The following ZNF75D variants were observed in gnomAD, a reference collection of about 807,000 sequenced individuals.
ZNF75D encodes the protein zinc finger protein 75.
Under a neutral mutation model 33.3 loss-of-function variants are expected in ZNF75D, and 33 were observed. The ratio of observed to expected loss-of-function variants is 0.99; its 90% CI spans 0.75 to 1.32. The LOEUF is 1.32. Among genes scored for constraint, ZNF75D ranks in the 40% most tolerant of loss-of-function variants. The pLI, the probability that ZNF75D is intolerant of heterozygous loss-of-function variation, is 0.00. For synonymous variants in ZNF75D, 113 were observed against 130.6 expected (o/e 0.87, Z 0.92); for missense variants, 338 against 367.5 (o/e 0.92, Z 0.66).
intron 1 of ZNF75D, among the ~76,000 whole-genome samples, chrX:135,268,500 C>T (rs1244336967): frequency 9.1e-6 from 1 of 110,032 alleles, no homozygotes; most frequent in African/African-American, 3.3e-5. Context: ...GTCCCATTTA[C>T]AATACTCAGA....
At chrX:135,321,838 A>G (rs2084499081) in intron 1 of ZNF75D, among the ~76,000 whole-genome samples, 1 of 112,240 alleles carries the variant, frequency 8.9e-6, no homozygotes, top group African/African-American at 3.2e-5. Flanking sequence ...GAGAGTTTGC[A>G]TAACTTCGGT....
intron 1 of ZNF75D, among the ~76,000 whole-genome samples, chrX:135,307,727 G>A: frequency 8.9e-6 from 1 of 112,198 alleles, no homozygotes; most frequent in Non-Finnish European, 1.9e-5. Flanking sequence ...ACAGTTGTGT[G>A]AGACACAGCA....
intron 1 of ZNF75D, among the ~76,000 whole-genome samples, chrX:135,298,743 T>C (rs1232404321): frequency 9.0e-6 from 1 of 111,716 alleles, no homozygotes; most frequent in Non-Finnish European, 1.9e-5. Context: ...CAAAAAAATA[T>C]TGAACCATGC....
intron 1 of ZNF75D, among the ~76,000 whole-genome samples, chrX:135,331,967 G>T (rs1222989301): frequency 9.0e-6 from 1 of 111,599 alleles, no homozygotes; most frequent in African/African-American, 3.3e-5. Flanking sequence ...AAATGGGGAG[G>T]GGTTAGAGAC....
rs2084805342 is a variant in ZNF75D, at chrX:135,343,085, C to CA, written c.-1709dup. The CA allele has an allele frequency of 1.8e-5, 2 of 111,794 alleles. No individual in the cohort carries two copies. Among genetic ancestry groups the CA allele is most frequent in the Non-Finnish European group, 3.8e-5 (2 of 53,243 alleles). 9.2% of individuals were successfully genotyped at this position (111,794 alleles called of 1,213,427 possible). A position where few individuals can be genotyped will look rare whatever the true frequency, so the allele number is the denominator to read the frequency against. On this transcript the variant is annotated 5_prime_UTR_variant, in exon 1 of 7. Transcript: ENST00000370766. ...GAGAAGACAACAACAACAACAACAA[C>CA]AAAAAATCACTGGCCCGTGTAAGGT...
chrX:135,290,022 C>T (rs781902042), intron 6 of ZNF75D, among the ~76,000 whole-genome samples: 26 of 112,112 alleles, frequency 2.3e-4, no homozygotes, highest in African/African-American at 8.1e-4. Flanking sequence ...GACTGTGTTA[C>T]ACCGCTTATC....
chrX:135,274,693 A>T (rs2083893587), intron 1 of ZNF75D, among the ~76,000 whole-genome samples: 1 of 112,426 alleles, frequency 8.9e-6, no homozygotes, highest in Non-Finnish European at 1.9e-5. Context: ...AACTGTTAAA[A>T]GTGAAAGAAT....
At chrX:135,250,499 A>C (rs2083777580) in intron 3 of ZNF75D, among the ~76,000 whole-genome samples, 1 of 107,283 alleles carries the variant, frequency 9.3e-6, no homozygotes, top group Non-Finnish European at 1.9e-5. Context: ...CAGTGCCAAA[A>C]AGATTCTGAC....
intron 1 of ZNF75D, among the ~76,000 whole-genome samples, chrX:135,296,823 CACATAGATT>C (rs2084137067): frequency 8.9e-6 from 1 of 111,949 alleles, no homozygotes; most frequent in Non-Finnish European, 1.9e-5. Flanking sequence ...TGTTCAGGGT[CACATAGATT>C]ACCAGTGGCA....
downstream of ZNF75D, among the ~76,000 whole-genome samples, chrX:135,283,177 A>G (rs370726740): frequency 1.8e-5 from 2 of 111,624 alleles, no homozygotes; most frequent in South Asian, 3.8e-4. Flanking sequence ...TTATCCCTCT[A>G]CTGCTCTCAA....
At chrX:135,280,373 A>G (rs184241943) in intron 1 of ZNF75D, among the ~76,000 whole-genome samples, 2 of 111,763 alleles carry the variant, frequency 1.8e-5, no homozygotes, top group Admixed American at 1.9e-4. Context: ...TCTTGAGCCT[A>G]TGTGTGTCTT....
intron 1 of ZNF75D, among the ~76,000 whole-genome samples, chrX:135,278,134 T>G (rs2083906452): frequency 1.8e-5 from 2 of 111,826 alleles, no homozygotes; most frequent in Non-Finnish European, 3.8e-5. Flanking sequence ...ATGGAATGAT[T>G]TTCCATTTGT....
chrX:135,257,967 C>A (rs912893080), intron 1 of ZNF75D, among the ~76,000 whole-genome samples: 1,929 of 108,942 alleles, frequency 0.018, 53 homozygotes, highest in African/African-American at 0.06. Flanking sequence ...CCGGAGCCCC[C>A]CCACCACCCA....
chrX:135,306,595 G>A (rs144379023), intron 1 of ZNF75D, among the ~76,000 whole-genome samples: 74 of 111,805 alleles, frequency 6.6e-4, no homozygotes, highest in Non-Finnish European at 1.3e-3. Flanking sequence ...ACTCAAAATT[G>A]TGCTATAAAT....
chrX:135,301,074 G>A lies in ZNF75D; in HGVS notation c.-390-5035C>T, dbSNP rs782071861. Among the ~76,000 whole-genome samples the A allele has an allele frequency of 4.5e-5, 5 of 112,036 alleles. No homozygotes were observed. The East Asian group carries it at 1.1e-3, about 25-fold the overall frequency. ...GAGGCCTCAGGAAACTTACCATCAT[G>A]ACAGAATGTGAAGGGGAAGCAGGCA... On this transcript the variant is annotated intron_variant, in intron 1 of 6. Coordinates refer to ENST00000370766, the MANE Select transcript of ZNF75D (RefSeq NM_007131.5).
At chrX:135,341,022 G>A (rs1310533887) in intron 1 of ZNF75D, among the ~76,000 whole-genome samples, 1 of 111,800 alleles carries the variant, frequency 8.9e-6, no homozygotes, top group Non-Finnish European at 1.9e-5. Flanking sequence ...CTGACTCACA[G>A]GGACATATGG....
intron 1 of ZNF75D, among the ~76,000 whole-genome samples, chrX:135,332,173 C>A (rs182029701): frequency 1.3e-4 from 15 of 111,779 alleles, no homozygotes; most frequent in African/African-American, 4.9e-4. Flanking sequence ...CCGATAACAG[C>A]CAACCTCCTA....
In ZNF75D at chrX:135,287,726, A is replaced by G. The variant is rs1160451846; in HGVS notation, c.944T>C (p.Met315Thr). The G allele has an allele frequency of 8.3e-7, 1 of 1,209,977 alleles. No homozygotes were observed. Among genetic ancestry groups the G allele is most frequent in the Non-Finnish European group, 1.1e-6 (1 of 895,066 alleles). The change falls in exon 7 of 7, where the codon ATG becomes ACG. Residue 315 changes from methionine (M) to threonine (T), a missense_variant. Met to Thr is a moderately conservative substitution (Grantham distance 81). Around this residue, in one of 3 missense-constraint regions of ZNF75D, gnomAD observed 254 missense variants for 267.7 expected, o/e 0.95. Coordinates refer to ENST00000370766, the MANE Select transcript of ZNF75D (RefSeq NM_007131.5). ...KTRMKIAQKTMGRENPGDTHS... is the reference protein window; with the variant it reads ...KTRMKIAQKTTGRENPGDTHS... Reference sequence around the variant, plus strand: ...TGTATCACCAGGATTTTCCCTGCCCATTGTTTTCTGGGCAATTTTCATTCT... The same window carrying G: ...TGTATCACCAGGATTTTCCCTGCCCGTTGTTTTCTGGGCAATTTTCATTCT...
chrX:135,314,900 T>C (rs782592016), intron 1 of ZNF75D, among the ~76,000 whole-genome samples: 4 of 112,048 alleles, frequency 3.6e-5, no homozygotes, highest in Non-Finnish European at 5.7e-5. Flanking sequence ...ATCAATTTTG[T>C]TTATCAACCA....
Sources: allele counts gnomAD v4.1 joint callset (sites outside exome capture counted in the v4.1 genomes callset), GRCh38; gene constraint gnomAD v4.1.1; regional missense constraint gnomAD v4.1.1; transcripts MANE v1.5; gene names NCBI Gene and HGNC (gene_info 2026-07-23, HGNC 2026-07-21).